MARCHF6: variants seen among roughly 807,000 people sequenced by gnomAD.
MARCHF6 encodes the protein E3 ubiquitin-protein ligase MARCHF6.
MARCHF6 carries 31 observed loss-of-function variants against 133.7 expected under a neutral mutation model. The observed-to-expected ratio is 0.23, with a 90% CI of 0.17 to 0.31. The LOEUF (loss-of-function observed/expected upper bound fraction) is 0.31, where lower values mean the gene tolerates loss of function less well. Among genes scored for constraint, MARCHF6 ranks in the 10% least tolerant of loss-of-function variants. The probability of loss-of-function intolerance (pLI) is 1.00; values close to 1 mark genes in which losing one functional copy is unlikely to be tolerated. For synonymous variants in MARCHF6, 395 were observed against 402.5 expected (o/e 0.98, Z 0.22); for missense variants, 723 against 1,121.6 (o/e 0.64, Z 5.08).
intron 1 of MARCHF6, among the ~76,000 whole-genome samples, chr5:10,356,831 A>G (rs941350013): frequency 2.6e-5 from 4 of 152,200 alleles, no homozygotes; most frequent in Admixed American, 2.6e-4. Flanking sequence ...TGATGGTACC[A>G]TATATGATAG....
intron 6 of MARCHF6, 61 bp from the exon 7 acceptor site, chr5:10,391,481 T>C (rs1737837593): frequency 2.2e-6 from 2 of 914,234 alleles, no homozygotes; most frequent in Admixed American, 5.3e-5. Flanking sequence ...AATAATGTGA[T>C]TTGGAAACAG....
intron 25 of MARCHF6, among the ~76,000 whole-genome samples, chr5:10,431,363 T>C (rs1740349512): frequency 1.3e-5 from 2 of 152,214 alleles, no homozygotes; most frequent in Admixed American, 1.3e-4. Flanking sequence ...CTTCTTTCTT[T>C]ATGCTGGATG....
intron 22 of MARCHF6, among the ~76,000 whole-genome samples, chr5:10,421,439 AAT>A (rs1418929847): frequency 1.1e-4 from 17 of 152,306 alleles, no homozygotes; most frequent in African/African-American, 4.1e-4. Flanking sequence ...TGCTATCCTT[AAT>A]GTTTTGCATT....
rs1316520857 is a variant in MARCHF6 at position 10,390,261 on chromosome 5, A to C, written c.408-71A>C. The C allele has an allele frequency of 2.9e-6, 4 of 1,364,386 alleles. No individual in the cohort carries two copies. The East Asian group carries it at 7.4e-5, about 25-fold the overall frequency. The allele number at this position is 1,364,386 out of a possible 1,614,324, so 84.5% of individuals were successfully genotyped here. A position where few individuals can be genotyped will look rare whatever the true frequency, so the allele number is the denominator to read the frequency against. On this transcript the variant is annotated intron_variant, in intron 5 of 25. Coordinates refer to ENST00000274140, the MANE Select transcript of MARCHF6 (RefSeq NM_005885.4). The stretch of plus-strand genomic sequence containing the variant: ...TTTTTCTGAGACTTTAGTATAAGAA[A>C]ATTTTTTACCTTTGTTTTCCTAATT...
In MARCHF6 at chr5:10,380,155, T is replaced by TTGTGTGTGTGTG. The variant is rs200405883; in HGVS notation, c.190+1349_190+1360dup. 4.7e-4 allele frequency among the ~76,000 whole-genome samples: 68 copies of TTGTGTGTGTGTG among 145,852 alleles called. 1 individual carries two copies. The highest frequency in any genetic ancestry group is 1.6e-3 in the African/African-American group (63 of 39,698). ...CTTACAAAGGATTTTTGTGTTTTAG[T>TTGTGTGTGTGTG]TGTGTGTGTGTGTGTGTGTGTGTGT... On this transcript the variant is annotated intron_variant, in intron 3 of 25. Transcript: ENST00000274140.
chr5:10,435,435 T>C lies in MARCHF6; in HGVS notation c.*1751T>C, dbSNP rs964890916. The C allele has an allele frequency of 8.6e-5, 13 of 150,868 alleles. No homozygotes were observed. The highest frequency in any genetic ancestry group is 2.2e-4 in the African/African-American group (9 of 41,132). The allele number at this position is 150,868 out of a possible 1,614,324, so 9.3% of individuals were successfully genotyped here. A position where few individuals can be genotyped will look rare whatever the true frequency, so the allele number is the denominator to read the frequency against. On this transcript the variant is annotated 3_prime_UTR_variant, in exon 26 of 26. Coordinates refer to ENST00000274140, the MANE Select transcript of MARCHF6 (RefSeq NM_005885.4). Reference sequence around the variant, plus strand: ...ATGCTTGACATAGGATTCAGTGTTATACTCTTTGGCACTTTAGAGCAGCCT... The same window carrying C: ...ATGCTTGACATAGGATTCAGTGTTACACTCTTTGGCACTTTAGAGCAGCCT...
chr5:10,365,185 G>A (rs1471940293), intron 1 of MARCHF6, among the ~76,000 whole-genome samples: 1 of 152,124 alleles, frequency 6.6e-6, no homozygotes, highest in Non-Finnish European at 1.5e-5. Context: ...GCCAGAAAGT[G>A]CAGTTTTCAG....
intron 12 of MARCHF6, 53 bp from the exon 13 acceptor site, chr5:10,402,331 C>A (rs1443678194): frequency 1.4e-6 from 2 of 1,456,736 alleles, no homozygotes; most frequent in Admixed American, 1.7e-5. Context: ...TAAGTAGTTA[C>A]CTGTTTCATT....
intron 15 of MARCHF6, among the ~76,000 whole-genome samples, chr5:10,405,326 T>TC (rs1738816795): frequency 6.6e-6 from 1 of 151,918 alleles, no homozygotes; most frequent in Non-Finnish European, 1.5e-5. Context: ...GTTTTTTTTT[T>TC]CCCCCGCCCC....
intron 1 of MARCHF6, among the ~76,000 whole-genome samples, chr5:10,370,012 G>A (rs982045615): frequency 6.6e-6 from 1 of 150,822 alleles, no homozygotes; most frequent in African/African-American, 2.4e-5. Context: ...TATATTAGTA[G>A]GATTTCTGGA....
chr5:10,400,508 A>T (rs945001040), intron 10 of MARCHF6, among the ~76,000 whole-genome samples: 1 of 152,068 alleles, frequency 6.6e-6, no homozygotes, highest in East Asian at 1.9e-4. Flanking sequence ...GTGTTTTTCC[A>T]TCAGTTTTGG....
intron 6 of MARCHF6, 92 bp from the exon 7 acceptor site, chr5:10,391,450 T>TG (rs1314803788): frequency 1.5e-4 from 80 of 539,096 alleles, no homozygotes; most frequent in African/African-American, 1.3e-3. Flanking sequence ...TTTTTTTTTT[T>TG]TTTTTTTTTT....
intron 17 of MARCHF6, among the ~76,000 whole-genome samples, chr5:10,409,405 A>G (rs1487291233): frequency 1.3e-5 from 2 of 152,230 alleles, no homozygotes; most frequent in Non-Finnish European, 2.9e-5. Flanking sequence ...CCCTGAAGGC[A>G]GAATATTCTT....
chr5:10,421,419 A>C (rs1190736949), intron 22 of MARCHF6, among the ~76,000 whole-genome samples: 1 of 152,254 alleles, frequency 6.6e-6, no homozygotes, highest in African/African-American at 2.4e-5. Flanking sequence ...TAGACAGATA[A>C]TGTGCAGCGT....
chr5:10,398,460 G>A (rs145915149), intron 10 of MARCHF6, among the ~76,000 whole-genome samples: 1 of 152,106 alleles, frequency 6.6e-6, no homozygotes, highest in African/African-American at 2.4e-5. Context: ...ACTCACAAAG[G>A]TGCAGATTTA....
intron 20 of MARCHF6, among the ~76,000 whole-genome samples, chr5:10,415,249 C>G (rs895428535): frequency 1.3e-5 from 2 of 152,172 alleles, no homozygotes; most frequent in East Asian, 1.9e-4. Flanking sequence ...CATGACAAAT[C>G]AGAGTGTATG....
intron 4 of MARCHF6, among the ~76,000 whole-genome samples, chr5:10,385,513 G>A (rs1325942437): frequency 1.3e-5 from 2 of 152,116 alleles, no homozygotes; most frequent in Non-Finnish European, 1.5e-5. Flanking sequence ...TCTCTGTTAC[G>A]AGAGAGCTTC....
chr5:10,391,779 C>G (rs1263231243), intron 7 of MARCHF6, 48 bp downstream of exon 7: 1 of 1,410,312 alleles, frequency 7.1e-7, no homozygotes, highest in Non-Finnish European at 9.3e-7. Flanking sequence ...CAAATCTGTT[C>G]TCAACTTGCA....
chr5:10,382,757 G>A (rs1340772818), intron 4 of MARCHF6, among the ~76,000 whole-genome samples: 2 of 152,192 alleles, frequency 1.3e-5, no homozygotes, highest in Non-Finnish European at 2.9e-5. Context: ...AACCTGGGAG[G>A]CAGAGGTTTC....
Sources: allele counts gnomAD v4.1 joint callset (sites outside exome capture counted in the v4.1 genomes callset), GRCh38; gene constraint gnomAD v4.1.1; transcripts MANE v1.5; gene names NCBI Gene and HGNC (gene_info 2026-07-23, HGNC 2026-07-21).